TMEM38B: variants seen among roughly 807,000 people sequenced by gnomAD.
The protein encoded by TMEM38B is transmembrane protein 38B.
TMEM38B carries 24 observed loss-of-function variants against 28.7 expected under a neutral mutation model. That is an observed-to-expected ratio of 0.84 (90% CI 0.61 to 1.18). The LOEUF is 1.18. TMEM38B is among the 50% of genes most tolerant of loss of function. TMEM38B has a pLI of 0.00. For missense variants in TMEM38B, 380 were observed against 350.9 expected (o/e 1.08, Z -0.66); for synonymous variants, 131 against 127.7 (o/e 1.03, Z -0.17).
At chr9:105,756,849 T>A (rs1837850281) in intron 5 of TMEM38B, among the ~76,000 whole-genome samples, 1 of 152,198 alleles carries the variant, frequency 6.6e-6, no homozygotes, top group Admixed American at 6.5e-5. Flanking sequence ...TTTGCCTAAA[T>A]CCCATTTAGA....
intron 4 of TMEM38B, among the ~76,000 whole-genome samples, chr9:105,722,825 C>T (rs1836370533): frequency 6.6e-6 from 1 of 151,936 alleles, no homozygotes; most frequent in Non-Finnish European, 1.5e-5. Context: ...ATATATTTTC[C>T]TTCTCTGTGG....
In TMEM38B at chr9:105,775,124, A is replaced by T. The variant is rs919631460; in HGVS notation, c.*1044A>T. On this transcript the variant is annotated 3_prime_UTR_variant, in exon 6 of 6. Transcript: ENST00000374692. Reference sequence around the variant, plus strand: ...TTTGTTATATTTTCATCTACATGTAATGTGTTATTAATTTTATTAAATGAA... The same window carrying T: ...TTTGTTATATTTTCATCTACATGTATTGTGTTATTAATTTTATTAAATGAA... 4 of 152,062 alleles carry T rather than the reference A, an allele frequency of 2.6e-5. No homozygotes were observed. The highest frequency in any genetic ancestry group is 4.4e-5 in the Non-Finnish European group (3 of 67,956). 9.4% of individuals were successfully genotyped at this position (152,062 alleles called of 1,614,324 possible).
At chr9:105,721,812 CA>C in intron 3 of TMEM38B, 91 bp downstream of exon 3, 2 of 983,794 alleles carry the variant, frequency 2.0e-6, no homozygotes, top group Non-Finnish European at 2.9e-6. Context: ...ATTAATGGAT[CA>C]CATACTTTAA....
chr9:105,759,127 AT>A (rs1270264966), intron 5 of TMEM38B: 6 of 780,594 alleles, frequency 7.7e-6, no homozygotes, highest in Non-Finnish European at 1.4e-5. Flanking sequence ...AATCCAACTT[AT>A]GTTGGATTTG....
intron 4 of TMEM38B, among the ~76,000 whole-genome samples, chr9:105,726,061 C>T (rs1203919880): frequency 2.0e-5 from 3 of 151,958 alleles, no homozygotes; most frequent in Non-Finnish European, 4.4e-5. Flanking sequence ...TTGAACCAGG[C>T]ATGCAGTGTG....
At chr9:105,729,928 G>A (rs1443408206) in intron 4 of TMEM38B, among the ~76,000 whole-genome samples, 4 of 152,148 alleles carry the variant, frequency 2.6e-5, no homozygotes, top group Admixed American at 2.6e-4. Flanking sequence ...CATTGATTTT[G>A]TATCCTGAAA....
At position 105,721,716 on chromosome 9, in the gene TMEM38B, C is replaced by T. The variant is rs771017520; in HGVS notation, c.449C>T (p.Ala150Val). 11 of 1,608,106 alleles carry T rather than the reference C, an allele frequency of 6.8e-6. No homozygotes were observed. Among genetic ancestry groups the T allele is most frequent in the Non-Finnish European group, 9.3e-6 (11 of 1,176,604 alleles). Reference sequence around the variant, plus strand: ...ATAGTCATGATAGCTATTGGATGGGCCCGAGGTAATATTGACAATATGTGT... The same window carrying T: ...ATAGTCATGATAGCTATTGGATGGGTCCGAGGTAATATTGACAATATGTGT... ...GWIVMIAIGW[A>V]RGAGGTIITN... Residue 150 changes from alanine (A) to valine (V), a missense_variant, in exon 3 of 6, where the codon GCC becomes GTC. By Grantham distance (64) the Ala-to-Val change is moderately conservative (BLOSUM62 0). Coordinates refer to ENST00000374692, the MANE Select transcript of TMEM38B (RefSeq NM_018112.3).
chr9:105,737,670 A>G (rs1036332200), intron 4 of TMEM38B, among the ~76,000 whole-genome samples: 1 of 152,086 alleles, frequency 6.6e-6, no homozygotes, highest in Non-Finnish European at 1.5e-5. Flanking sequence ...AGCTCAACCA[A>G]TGCTCTATTT....
intron 4 of TMEM38B, among the ~76,000 whole-genome samples, chr9:105,723,239 T>C (rs2133579650): frequency 6.6e-6 from 1 of 152,284 alleles, no homozygotes; most frequent in South Asian, 2.1e-4. Context: ...TTTATTACTT[T>C]TTTAAAGAGA....
chr9:105,730,337 A>G (rs1365530934), intron 4 of TMEM38B, among the ~76,000 whole-genome samples: 3 of 151,874 alleles, frequency 2.0e-5, no homozygotes, highest in Non-Finnish European at 3.0e-5. Context: ...TGAGATAATC[A>G]TGTGGTTTTT....
At chr9:105,700,766 G>A (rs74902525) in intron 1 of TMEM38B, among the ~76,000 whole-genome samples, 3,525 of 152,244 alleles carry the variant, frequency 0.023, 135 homozygotes, top group African/African-American at 0.081. Flanking sequence ...TGACAGCAGT[G>A]GTGGCAGCTG....
chr9:105,721,843 G>A, intron 3 of TMEM38B, 122 bp downstream of exon 3: 1 of 727,418 alleles, frequency 1.4e-6, no homozygotes, highest in African/African-American at 1.8e-5. Context: ...CTTTTTGGAA[G>A]GTAAAAACCT....
intron 2 of TMEM38B, among the ~76,000 whole-genome samples, chr9:105,710,940 C>T (rs1282942739): frequency 6.6e-6 from 1 of 152,180 alleles, no homozygotes. Context: ...CCTCCTACCT[C>T]TGCGCAAAGC....
In TMEM38B at chr9:105,775,075, A is replaced by G. The variant is rs1826684059; in HGVS notation, c.*995A>G. 1 of 152,116 alleles carries G rather than the reference A, an allele frequency of 6.6e-6. No homozygotes were observed. The highest frequency in any genetic ancestry group is 6.6e-5 in the Admixed American group (1 of 15,258). The allele number at this position is 152,116 out of a possible 1,614,324, so 9.4% of individuals were successfully genotyped here. A position where few individuals can be genotyped will look rare whatever the true frequency, so the allele number is the denominator to read the frequency against. On this transcript the variant is annotated 3_prime_UTR_variant, in exon 6 of 6. Transcript: ENST00000374692. ...TACTGTTTTAGTTTTCTAGTTGAATATCTCTGACAAGCTTTCGTATGGTTT... is the reference window on the plus strand; with the variant it reads ...TACTGTTTTAGTTTTCTAGTTGAATGTCTCTGACAAGCTTTCGTATGGTTT...
chr9:105,729,985 G>A (rs187160337), intron 4 of TMEM38B, among the ~76,000 whole-genome samples: 179 of 152,208 alleles, frequency 1.2e-3, no homozygotes, highest in African/African-American at 4.0e-3. Context: ...AGGCTGAGAC[G>A]ATGGGGTTTT....
intron 2 of TMEM38B, among the ~76,000 whole-genome samples, chr9:105,706,719 G>GA (rs1256454631): frequency 6.6e-6 from 1 of 152,020 alleles, no homozygotes; most frequent in Non-Finnish European, 1.5e-5. Flanking sequence ...CCTTGCTCTG[G>GA]AGGGGGCGGG....
At chr9:105,747,133 A>G (rs1474110559) in intron 4 of TMEM38B, among the ~76,000 whole-genome samples, 2 of 152,156 alleles carry the variant, frequency 1.3e-5, no homozygotes, top group African/African-American at 2.4e-5. Context: ...ATTGATTGCT[A>G]TAGTTTCAGA....
intron 5 of TMEM38B, among the ~76,000 whole-genome samples, chr9:105,763,130 T>C (rs1345596088): frequency 6.6e-6 from 1 of 150,882 alleles, no homozygotes; most frequent in South Asian, 2.1e-4. Context: ...GTAAATTTGT[T>C]TGAGTTCATT....
chr9:105,748,968 G>A (rs1248031491), intron 5 of TMEM38B: 2 of 858,970 alleles, frequency 2.3e-6, no homozygotes, highest in Non-Finnish European at 3.2e-6. Flanking sequence ...AGATATTTTT[G>A]GCTAAAAACT....
Sources: gnomAD v4.1 joint callset for allele counts (sites outside exome capture counted in the v4.1 genomes callset) on GRCh38, gnomAD v4.1.1 for gene constraint, MANE v1.5 for transcripts, NCBI Gene and HGNC (gene_info 2026-07-23, HGNC 2026-07-21) for gene names.